Variants in ARHGAP12 observed in about 807,000 individuals in gnomAD.
ARHGAP12 encodes the protein rho GTPase-activating protein 12.
In ARHGAP12, 64 loss-of-function variants were observed where a neutral mutation model predicts 108.6. The observed-to-expected ratio is 0.59, with a 90% CI of 0.48 to 0.73. ARHGAP12 has a LOEUF of 0.73. Ranked by LOEUF, ARHGAP12 falls within the 30% of genes least tolerant of loss-of-function variation. ARHGAP12 has a pLI of 0.00. For synonymous variants in ARHGAP12, 312 were observed against 337.2 expected, an observed-to-expected ratio of 0.93 and a Z score of 0.82; for missense variants, 940 against 1,005.9, an observed-to-expected ratio of 0.93 and a Z score of 0.89.
At chr10:31,850,878 TTAA>T (rs1193738896) in intron 6 of ARHGAP12, among the ~76,000 whole-genome samples, 1 of 152,160 alleles carries the variant, frequency 6.6e-6, no homozygotes, top group Admixed American at 6.5e-5. Flanking sequence ...AAAGTATAAA[TTAA>T]TAATAATGAA....
intron 9 of ARHGAP12, among the ~76,000 whole-genome samples, chr10:31,836,667 A>G (rs1481337514): frequency 1.3e-5 from 2 of 152,164 alleles, no homozygotes. Flanking sequence ...CCTTTATACC[A>G]ATCAGATTTT....
At chr10:31,889,401 G>A (rs375296403) in intron 3 of ARHGAP12, among the ~76,000 whole-genome samples, 1 of 151,910 alleles carries the variant, frequency 6.6e-6, no homozygotes, top group African/African-American at 2.4e-5. Context: ...CAGTTTCTGT[G>A]CAAAAAAGTA....
chr10:31,891,100 G>A (rs1382198876), intron 3 of ARHGAP12, among the ~76,000 whole-genome samples: 4 of 152,052 alleles, frequency 2.6e-5, no homozygotes, highest in African/African-American at 7.2e-5. Context: ...TAACAAATTC[G>A]GGAACTGGTT....
intron 4 of ARHGAP12, among the ~76,000 whole-genome samples, chr10:31,857,644 T>C (rs989534339): frequency 1.3e-5 from 2 of 152,102 alleles, no homozygotes; most frequent in Non-Finnish European, 2.9e-5. Context: ...AGTAAAAATA[T>C]AGACACATGA....
intron 3 of ARHGAP12, among the ~76,000 whole-genome samples, chr10:31,903,947 T>A (rs988187437): frequency 1.3e-5 from 2 of 152,028 alleles, no homozygotes; most frequent in South Asian, 4.1e-4. Flanking sequence ...AATAAAAAAA[T>A]AGTGACAACA....
intron 1 of ARHGAP12, among the ~76,000 whole-genome samples, chr10:31,919,852 C>T (rs1839717385): frequency 6.6e-6 from 1 of 151,070 alleles, no homozygotes; most frequent in Non-Finnish European, 1.5e-5. Context: ...GGCACGGTGG[C>T]TCACGCCAGT....
chr10:31,854,002 A>C, intron 5 of ARHGAP12, 64 bp downstream of exon 5: 1 of 1,476,482 alleles, frequency 6.8e-7, no homozygotes, highest in Non-Finnish European at 9.1e-7. Context: ...CTAAAACTGC[A>C]GTACACAACT....
intron 9 of ARHGAP12, among the ~76,000 whole-genome samples, chr10:31,836,369 A>G (rs1420252719): frequency 6.6e-6 from 1 of 152,104 alleles, no homozygotes; most frequent in Non-Finnish European, 1.5e-5. Context: ...AATCCATATT[A>G]TAGTCAAATT....
chr10:31,893,547 A>C (rs1444873313), intron 3 of ARHGAP12, among the ~76,000 whole-genome samples: 2 of 133,156 alleles, frequency 1.5e-5, no homozygotes, highest in East Asian at 4.3e-4. Flanking sequence ...CTAAACCAGG[A>C]AGAAGTTGAA....
intron 10 of ARHGAP12, among the ~76,000 whole-genome samples, chr10:31,830,766 TA>T (rs1322796107): frequency 6.6e-6 from 1 of 152,118 alleles, no homozygotes. Context: ...ACAAAGGGTA[TA>T]AAGAAACAAT....
At chr10:31,812,542 C>CA in intron 15 of ARHGAP12, 165 bp downstream of exon 15, 1 of 462,172 alleles carries the variant, frequency 2.2e-6, no homozygotes. Flanking sequence ...AATAAACTTT[C>CA]AAAAAAACTA....
chr10:31,872,009 C>T (rs1168382330), intron 3 of ARHGAP12, among the ~76,000 whole-genome samples: 1 of 152,200 alleles, frequency 6.6e-6, no homozygotes, highest in Non-Finnish European at 1.5e-5. Flanking sequence ...CATCATAGTA[C>T]TTACGACACT....
chr10:31,920,881 A>G (rs1284959155), intron 1 of ARHGAP12, among the ~76,000 whole-genome samples: 2 of 152,208 alleles, frequency 1.3e-5, no homozygotes, highest in African/African-American at 4.8e-5. Context: ...ATGTTCTCCA[A>G]TCACAATAAA....
rs1238499388 is a variant in ARHGAP12, at chr10:31,809,028, T to C, written c.2229A>G (p.Thr743=). The C allele has an allele frequency of 6.3e-7, 1 of 1,594,976 alleles. No individual in the cohort carries two copies. The highest frequency in any genetic ancestry group is 8.6e-7 in the Non-Finnish European group (1 of 1,165,038). ...TAACAAAATCATTAAAATGATTAAA[T>C]GTAAAAAGAGGTTCTGGTAATTCTC... The part of the protein sequence containing the change: ...FFRELPEPLF[T]FNHFNDFVNA... The change falls in exon 18 of 20, where the codon ACA becomes ACG. Residue 743 remains threonine, a synonymous_variant. Transcript: ENST00000344936.
At chr10:31,826,221 TG>T in intron 11 of ARHGAP12, 82 bp downstream of exon 11, 1 of 1,099,224 alleles carries the variant, frequency 9.1e-7, no homozygotes, top group Non-Finnish European at 1.3e-6. Flanking sequence ...ATAAGGACTC[TG>T]GAAATTACCT....
At chr10:31,928,535 G>GCGCCGCCGC (rs557487682) in intron 1 of ARHGAP12, 148 bp downstream of exon 1, 8 of 151,816 alleles carry the variant, frequency 5.3e-5, no homozygotes, top group African/African-American at 1.5e-4. Flanking sequence ...CACCTCCGCG[G>GCGCCGCCGC]CGCCGCCGCC....
At chr10:31,824,057 G>T (rs1035112010) in intron 11 of ARHGAP12, among the ~76,000 whole-genome samples, 5 of 151,926 alleles carry the variant, frequency 3.3e-5, no homozygotes, top group African/African-American at 1.2e-4. Context: ...ATGTTCTTGG[G>T]TCATAATACA....
chr10:31,867,437 T>A (rs78320199), intron 3 of ARHGAP12, among the ~76,000 whole-genome samples: 3,617 of 152,288 alleles, frequency 0.024, 155 homozygotes, highest in African/African-American at 0.081. Context: ...AAAATATAGG[T>A]TCTTGGCATA....
intron 10 of ARHGAP12, among the ~76,000 whole-genome samples, chr10:31,829,970 A>G (rs1835768859): frequency 1.3e-5 from 2 of 152,000 alleles, no homozygotes; most frequent in Non-Finnish European, 2.9e-5. Context: ...CAGAGATGAA[A>G]ATTCATCTGT....
Sources: allele counts gnomAD v4.1 joint callset (sites outside exome capture counted in the v4.1 genomes callset), GRCh38; gene constraint gnomAD v4.1.1; transcripts MANE v1.5; gene names NCBI Gene and HGNC (gene_info 2026-07-23, HGNC 2026-07-21).